Variants in JARID2 observed in about 807,000 individuals in gnomAD.
The protein encoded by JARID2 is protein Jumonji.
A neutral mutation model predicts 125.6 loss-of-function variants in JARID2; 21 were observed. The ratio of observed to expected loss-of-function variants is 0.17; its 90% confidence interval spans 0.12 to 0.24. The LOEUF (loss-of-function observed/expected upper bound fraction) is 0.24, where lower values mean the gene tolerates loss of function less well. Ranked by LOEUF, JARID2 falls within the 10% of genes least tolerant of loss-of-function variation. JARID2 has a pLI of 1.00. For synonymous variants in JARID2, 736 were observed against 661.6 expected, an observed-to-expected ratio of 1.11 and a Z score of -1.73; for missense variants, 1,303 against 1,639.6, an observed-to-expected ratio of 0.79 and a Z score of 3.55.
intron 1 of JARID2, among the ~76,000 whole-genome samples, chr6:15,284,846 A>T (rs957685104): frequency 1.3e-5 from 2 of 152,108 alleles, no homozygotes; most frequent in African/African-American, 2.4e-5. Flanking sequence ...AACATCCATT[A>T]TGCTATTGTG....
At chr6:15,321,012 T>G (rs769892111) in intron 1 of JARID2, among the ~76,000 whole-genome samples, 2 of 152,112 alleles carry the variant, frequency 1.3e-5, no homozygotes, top group African/African-American at 4.8e-5. Context: ...AGGCGGTGTA[T>G]CATATGAATG....
chr6:15,438,768 C>G (rs151091267), intron 3 of JARID2, among the ~76,000 whole-genome samples: 1 of 152,172 alleles, frequency 6.6e-6, no homozygotes, highest in Admixed American at 6.5e-5. Context: ...GTGGCTCACA[C>G]CTGTAATCCC....
intron 1 of JARID2, among the ~76,000 whole-genome samples, chr6:15,287,075 C>T (rs1272143578): frequency 6.6e-6 from 1 of 151,822 alleles, no homozygotes; most frequent in Non-Finnish European, 1.5e-5. Context: ...GCGGTCAGCC[C>T]AGATGGCGTC....
At chr6:15,408,617 T>A (rs1312551307) in intron 2 of JARID2, among the ~76,000 whole-genome samples, 1 of 152,260 alleles carries the variant, frequency 6.6e-6, no homozygotes, top group Non-Finnish European at 1.5e-5. Flanking sequence ...AATGTTAATA[T>A]ATTTGATTTA....
At chr6:15,339,768 C>T (rs1355386917) in intron 1 of JARID2, among the ~76,000 whole-genome samples, 2 of 152,136 alleles carry the variant, frequency 1.3e-5, no homozygotes, top group South Asian at 2.1e-4. Flanking sequence ...CTCCCAACCT[C>T]AGGTGATGTG....
At chr6:15,290,771 G>A (rs1265180063) in intron 1 of JARID2, among the ~76,000 whole-genome samples, 10 of 151,952 alleles carry the variant, frequency 6.6e-5, no homozygotes, top group African/African-American at 1.9e-4. Context: ...GGCGCCCACC[G>A]CCACGCCCAG....
rs186588969 is a variant in JARID2 at position 15,376,489 on chromosome 6, G to A, written c.181+2237G>A. On this transcript the variant is annotated intron_variant, in intron 2 of 17. Coordinates refer to ENST00000341776, the MANE Select transcript of JARID2 (RefSeq NM_004973.4). ...CCAGCACCTTGAAAGGCCGAGGAGGGAGGATTGCTGGAGCCCAGGAGTTCG... is the reference window on the plus strand; with the variant it reads ...CCAGCACCTTGAAAGGCCGAGGAGGAAGGATTGCTGGAGCCCAGGAGTTCG... Among the ~76,000 whole-genome samples the A allele has an allele frequency of 5.9e-5, 9 of 152,268 alleles. 1 individual carries two copies. The highest frequency in any genetic ancestry group is 2.2e-4 in the African/African-American group (9 of 41,556).
chr6:15,408,422 T>C (rs760562475), intron 2 of JARID2, among the ~76,000 whole-genome samples: 39 of 152,370 alleles, frequency 2.6e-4, no homozygotes, highest in Non-Finnish European at 4.6e-4. Context: ...ATAAATATTA[T>C]GTTCCTTGGC....
At chr6:15,467,868 C>T (rs1390447405) in intron 4 of JARID2, among the ~76,000 whole-genome samples, 1 of 152,112 alleles carries the variant, frequency 6.6e-6, no homozygotes, top group African/African-American at 2.4e-5. Flanking sequence ...GAATGAGAAC[C>T]TTTGAGGATG....
At chr6:15,282,821 G>C (rs190948520) in intron 1 of JARID2, among the ~76,000 whole-genome samples, 3 of 152,114 alleles carry the variant, frequency 2.0e-5, no homozygotes, top group Non-Finnish European at 2.9e-5. Context: ...GGCTGGTTTT[G>C]AACTCCCGAC....
At chr6:15,425,066 G>A (rs1390843523) in intron 3 of JARID2, among the ~76,000 whole-genome samples, 1 of 152,142 alleles carries the variant, frequency 6.6e-6, no homozygotes, top group African/African-American at 2.4e-5. Flanking sequence ...ACTTGTCTGG[G>A]AGACAAGGCT....
chr6:15,285,610 G>T (rs75156228), intron 1 of JARID2, among the ~76,000 whole-genome samples: 1 of 152,060 alleles, frequency 6.6e-6, no homozygotes, highest in South Asian at 2.1e-4. Flanking sequence ...CAGATAGAGG[G>T]TATCATTGCT....
chr6:15,258,497 A>T (rs1759750709), intron 1 of JARID2, among the ~76,000 whole-genome samples: 1 of 152,168 alleles, frequency 6.6e-6, no homozygotes, highest in Non-Finnish European at 1.5e-5. Context: ...ATGAACTGTG[A>T]CTATAGCCGG....
intron 3 of JARID2, among the ~76,000 whole-genome samples, chr6:15,411,479 C>G (rs1050022408): frequency 3.3e-5 from 5 of 152,292 alleles, no homozygotes; most frequent in Non-Finnish European, 7.4e-5. Flanking sequence ...ATCCTCAGCA[C>G]TTTGTCTTAG....
At chr6:15,380,276 C>G (rs921804547) in intron 2 of JARID2, among the ~76,000 whole-genome samples, 3 of 152,144 alleles carry the variant, frequency 2.0e-5, no homozygotes, top group Non-Finnish European at 4.4e-5. Context: ...CTGAGGTGAT[C>G]TGCCCACGTC....
At chr6:15,268,617 C>T (rs1032781252) in intron 1 of JARID2, among the ~76,000 whole-genome samples, 1 of 152,204 alleles carries the variant, frequency 6.6e-6, no homozygotes, top group Admixed American at 6.6e-5. Context: ...CCGAAGGCCT[C>T]TGGGACTTGA....
intron 1 of JARID2, among the ~76,000 whole-genome samples, chr6:15,327,991 C>T (rs908197249): frequency 6.6e-6 from 1 of 152,112 alleles, no homozygotes; most frequent in African/African-American, 2.4e-5. Context: ...CCCTACCATC[C>T]CCAGCCTAGC....
chr6:15,309,998 T>G (rs1761961420), intron 1 of JARID2, among the ~76,000 whole-genome samples: 1 of 152,082 alleles, frequency 6.6e-6, no homozygotes, highest in Non-Finnish European at 1.5e-5. Context: ...AAGAAGAAAG[T>G]CAAGGAAGCA....
rs192017164 is a variant in JARID2, at chr6:15,305,056, A to G, written c.45+58472A>G. ...ATTGGCAGGAGGGGTGCCCACTGGG[A>G]GCCAGCACAAGTCTGGGATTTTTTG... On this transcript the variant is annotated intron_variant, in intron 1 of 17. Transcript: ENST00000341776. Among the ~76,000 whole-genome samples, 116 of 152,274 alleles carry G rather than the reference A, an allele frequency of 7.6e-4. 1 individual carries two copies. Among genetic ancestry groups the G allele is most frequent in the Middle Eastern group, 6.8e-3 (2 of 294 alleles).
Sources: allele counts gnomAD v4.1 joint callset (sites outside exome capture counted in the v4.1 genomes callset), GRCh38; gene constraint gnomAD v4.1.1; transcripts MANE v1.5; gene names NCBI Gene and HGNC (gene_info 2026-07-23, HGNC 2026-07-21).